Variants in BTAF1 observed in about 807,000 individuals in gnomAD.
BTAF1 encodes B-TFIID TATA-box binding protein associated factor 1.
A neutral mutation model predicts 227.1 loss-of-function variants in BTAF1; 38 were observed. The ratio of observed to expected loss-of-function variants is 0.17; its 90% confidence interval spans 0.13 to 0.22. BTAF1 has a LOEUF of 0.22. BTAF1 is among the 10% of genes least tolerant of loss of function. The pLI is 1.00. For missense variants in BTAF1, 1,598 were observed against 2,204.0 expected, an observed-to-expected ratio of 0.73 and a Z score of 5.51; for synonymous variants, 742 against 751.9, an observed-to-expected ratio of 0.99 and a Z score of 0.21.
intron 11 of BTAF1, among the ~76,000 whole-genome samples, chr10:91,961,798 G>A (rs1034124886): frequency 1.3e-5 from 2 of 152,012 alleles, no homozygotes; most frequent in Non-Finnish European, 2.9e-5. Flanking sequence ...GTCTGTTGGG[G>A]GAAATGAAAA....
intron 14 of BTAF1, among the ~76,000 whole-genome samples, chr10:91,968,933 T>C (rs954632353): frequency 1.3e-5 from 2 of 152,130 alleles, no homozygotes; most frequent in Non-Finnish European, 2.9e-5. Flanking sequence ...TGATCATAGC[T>C]TACTGCAATC....
chr10:91,987,684 AT>A (rs1848498624), intron 19 of BTAF1, among the ~76,000 whole-genome samples: 1 of 152,080 alleles, frequency 6.6e-6, no homozygotes, highest in South Asian at 2.1e-4. Context: ...GCTTAAAAAC[AT>A]TATTTTCCTT....
chr10:91,958,505 C>T (rs1846256964), intron 8 of BTAF1, among the ~76,000 whole-genome samples: 1 of 151,956 alleles, frequency 6.6e-6, no homozygotes, highest in Admixed American at 6.6e-5. Context: ...AGTTTGAGAC[C>T]AGCCTGGCCA....
In BTAF1 at chr10:92,029,156, T is replaced by C; in HGVS notation, c.*223T>C. 1 of 413,870 alleles carries C rather than the reference T, an allele frequency of 2.4e-6. No individual in the cohort carries two copies. 25.6% of individuals were successfully genotyped at this position (413,870 alleles called of 1,614,324 possible). A position where few individuals can be genotyped will look rare whatever the true frequency, so the allele number is the denominator to read the frequency against. On this transcript the variant is annotated 3_prime_UTR_variant, in exon 38 of 38. Coordinates refer to ENST00000265990, the MANE Select transcript of BTAF1 (RefSeq NM_003972.3). The stretch of plus-strand genomic sequence containing the variant: ...AATGTGAAATGGTTTAAATTTTACA[T>C]GCTGAAAAGCTGCAGAGCAGAGGAA...
chr10:91,997,530 A>G, intron 24 of BTAF1, 73 bp from the exon 25 acceptor site: 7 of 1,352,912 alleles, frequency 5.2e-6, no homozygotes, highest in Non-Finnish European at 7.1e-6. Context: ...AAAAGTTAAA[A>G]TCTTGGTATC....
At chr10:91,958,786 G>A (rs1846280929) in intron 8 of BTAF1, among the ~76,000 whole-genome samples, 1 of 152,152 alleles carries the variant, frequency 6.6e-6, no homozygotes, top group Non-Finnish European at 1.5e-5. Flanking sequence ...GAAGGTAGAG[G>A]ATAAGGGAGT....
At chr10:92,022,618 A>G (rs189561716) in intron 34 of BTAF1, among the ~76,000 whole-genome samples, 2 of 152,108 alleles carry the variant, frequency 1.3e-5, no homozygotes, top group African/African-American at 2.4e-5. Context: ...GGATCTTCCT[A>G]TGTTGGCTAG....
chr10:92,003,191 G>A (rs963465889), intron 25 of BTAF1, among the ~76,000 whole-genome samples: 18 of 150,710 alleles, frequency 1.2e-4, no homozygotes, highest in African/African-American at 4.4e-4. Flanking sequence ...CCAACATGAT[G>A]TTTTGAAACG....
At chr10:91,973,820 C>T (rs986812018) in intron 14 of BTAF1, among the ~76,000 whole-genome samples, 28 of 144,276 alleles carry the variant, frequency 1.9e-4, no homozygotes, top group African/African-American at 5.8e-4. Context: ...AGGAGAATGG[C>T]GTGAACCCGG....
intron 11 of BTAF1, among the ~76,000 whole-genome samples, chr10:91,962,141 A>G (rs560614540): frequency 3.9e-5 from 6 of 152,292 alleles, no homozygotes; most frequent in African/African-American, 1.4e-4. Flanking sequence ...TGGGCCACAT[A>G]TATGATGGTG....
rs1357606829 is a variant in BTAF1 at position 92,030,003 on chromosome 10, C to T, written c.*1070C>T. On this transcript the variant is annotated 3_prime_UTR_variant, in exon 38 of 38. Transcript: ENST00000265990. ...GGGTAGGTATATGTAGATAGATGTG[C>T]ATGTATGTGTTTGTATATATAATTT... is the stretch of plus-strand genomic sequence containing the variant. The T allele has an allele frequency of 1.3e-5, 2 of 152,428 alleles. No homozygotes were observed. The highest frequency in any genetic ancestry group is 2.9e-5 in the Non-Finnish European group (2 of 67,932). 9.4% of individuals were successfully genotyped at this position (152,428 alleles called of 1,614,324 possible).
chr10:92,007,273 C>T (rs138325429), intron 25 of BTAF1, among the ~76,000 whole-genome samples: 1 of 128,222 alleles, frequency 7.8e-6, no homozygotes, highest in African/African-American at 3.0e-5. Flanking sequence ...GGCTGGAGTG[C>T]CGTGGCACAA....
At chr10:91,960,996 A>AT (rs1408294019) in intron 11 of BTAF1, among the ~76,000 whole-genome samples, 4 of 152,210 alleles carry the variant, frequency 2.6e-5, no homozygotes, top group Non-Finnish European at 5.9e-5. Context: ...TACACATAAT[A>AT]TTTTTGTGGA....
intron 13 of BTAF1, among the ~76,000 whole-genome samples, chr10:91,965,666 A>T (rs931843587): frequency 6.6e-6 from 1 of 152,230 alleles, no homozygotes; most frequent in African/African-American, 2.4e-5. Context: ...GTAAGAAGAA[A>T]TGTAGCATGT....
chr10:92,014,969 A>G (rs916997471), intron 32 of BTAF1, among the ~76,000 whole-genome samples: 1 of 152,192 alleles, frequency 6.6e-6, no homozygotes, highest in Non-Finnish European at 1.5e-5. Context: ...AAAACACAAT[A>G]TTGTATCTTA....
chr10:92,026,501 G>A, intron 35 of BTAF1, 91 bp from the exon 36 acceptor site: 1 of 1,058,980 alleles, frequency 9.4e-7, no homozygotes, highest in South Asian at 2.0e-5. Context: ...TTTTAAAGCA[G>A]CATTTTCATT....
At chr10:91,924,669 A>G (rs1263468291) in intron 1 of BTAF1, among the ~76,000 whole-genome samples, 2 of 152,230 alleles carry the variant, frequency 1.3e-5, no homozygotes, top group African/African-American at 4.8e-5. Flanking sequence ...ATTTTCCGTA[A>G]CTAAGGCGTG....
intron 14 of BTAF1, among the ~76,000 whole-genome samples, chr10:91,978,311 C>T (rs1847826422): frequency 6.6e-6 from 1 of 151,948 alleles, no homozygotes; most frequent in South Asian, 2.1e-4. Flanking sequence ...ATAGATGTGA[C>T]TTTTGGGGAC....
chr10:91,925,117 G>C (rs888527459), intron 1 of BTAF1, among the ~76,000 whole-genome samples: 3 of 152,194 alleles, frequency 2.0e-5, no homozygotes, highest in Non-Finnish European at 4.4e-5. Flanking sequence ...GATGACTGAT[G>C]AAATAGTGTG....
Sources: gnomAD v4.1 joint callset for allele counts (sites outside exome capture counted in the v4.1 genomes callset) on GRCh38, gnomAD v4.1.1 for gene constraint, MANE v1.5 for transcripts, NCBI Gene and HGNC (gene_info 2026-07-23, HGNC 2026-07-21) for gene names.